The following GLG1 variants were observed in gnomAD, a reference collection of about 807,000 sequenced individuals.
The protein encoded by GLG1 is golgi glycoprotein 1.
GLG1 carries 38 observed loss-of-function variants against 160.5 expected under a neutral mutation model. The observed-to-expected ratio is 0.24, with a 90% confidence interval of 0.18 to 0.31. The LOEUF (loss-of-function observed/expected upper bound fraction) is 0.31, where lower values mean the gene tolerates loss of function less well. Ranked by LOEUF, GLG1 falls within the 10% of genes least tolerant of loss-of-function variation. The pLI, the probability that GLG1 is intolerant of heterozygous loss-of-function variation, is 1.00. For synonymous variants in GLG1, 644 were observed against 543.4 expected (o/e 1.19, Z -2.57); for missense variants, 1,373 against 1,505.2 (o/e 0.91, Z 1.45).
At chr16:74,533,821 G>T (rs3096409) in intron 1 of GLG1, among the ~76,000 whole-genome samples, 101,431 of 151,948 alleles carry the variant, frequency 0.67, 34,065 homozygotes, top group East Asian at 0.81. Context: ...CATAGTATTC[G>T]AATCTGTTTA....
chr16:74,458,157 C>G, intron 23 of GLG1, 163 bp from the exon 24 acceptor site: 1 of 579,886 alleles, frequency 1.7e-6, no homozygotes, highest in Non-Finnish European at 3.1e-6. Flanking sequence ...GTACAGAATG[C>G]AGAATTTAAT....
intron 4 of GLG1, 68 bp from the exon 5 acceptor site, chr16:74,496,712 C>CTACACA: frequency 1.5e-6 from 1 of 678,702 alleles, no homozygotes; most frequent in East Asian, 2.7e-5. Flanking sequence ...CAACATTTGG[C>CTACACA]TACACACACA....
chr16:74,575,939 G>A (rs868340236), intron 1 of GLG1, among the ~76,000 whole-genome samples: 36 of 152,080 alleles, frequency 2.4e-4, no homozygotes, highest in Middle Eastern at 6.8e-3. Context: ...GGTGGTTCAC[G>A]CCAGTAATCC....
At chr16:74,472,278 G>T in intron 14 of GLG1, 71 bp downstream of exon 14, 1 of 988,800 alleles carries the variant, frequency 1.0e-6, no homozygotes, top group Non-Finnish European at 1.6e-6. Flanking sequence ...AGGTGAGTCT[G>T]AGATACTCAG....
chr16:74,535,173 G>T (rs1051289205), intron 1 of GLG1, among the ~76,000 whole-genome samples: 28 of 152,126 alleles, frequency 1.8e-4, no homozygotes, highest in African/African-American at 5.8e-4. Context: ...GAGGGTGTCT[G>T]TTATGAAGAA....
At chr16:74,606,469 AAAG>A (rs1489088568) in intron 1 of GLG1, among the ~76,000 whole-genome samples, 185 bp downstream of exon 1, 2 of 152,062 alleles carry the variant, frequency 1.3e-5, no homozygotes, top group Non-Finnish European at 2.9e-5. Flanking sequence ...AGGGCGGGGG[AAAG>A]AAGGAGTGGG....
At chr16:74,490,766 T>C (rs921695478) in intron 8 of GLG1, among the ~76,000 whole-genome samples, 1 of 152,204 alleles carries the variant, frequency 6.6e-6, no homozygotes, top group Non-Finnish European at 1.5e-5. Flanking sequence ...ATTCTATCTA[T>C]CTAAGAAGAC....
chr16:74,480,104 T>C (rs1353699675), intron 11 of GLG1, 137 bp downstream of exon 11: 3 of 693,588 alleles, frequency 4.3e-6, no homozygotes, highest in Non-Finnish European at 5.0e-6. Context: ...AAGAAGTTTC[T>C]AGAAGTGCAG....
At chr16:74,548,977 C>G (rs528268216) in intron 1 of GLG1, among the ~76,000 whole-genome samples, 44 of 152,198 alleles carry the variant, frequency 2.9e-4, no homozygotes, top group African/African-American at 1.0e-3. Context: ...GCCAGGGTGA[C>G]AGAGACTCCA....
chr16:74,469,012 C>G lies in GLG1; in HGVS notation c.2370G>C (p.Gln790His). 1 of 1,614,176 alleles carries G rather than the reference C, an allele frequency of 6.2e-7. No homozygotes were observed. Among genetic ancestry groups the G allele is most frequent in the Non-Finnish European group, 8.5e-7 (1 of 1,179,970 alleles). ...LSTTVRNDTL[Q>H]EAKEHRVSLK... ...GGGACACCCTGTGCTCCTTGGCTTC[C>G]TGCAGAGTGTCATTGCGCACGGTCG... The change falls in exon 17 of 26, where the codon CAG (glutamine) becomes CAC (histidine). Residue 790 changes from glutamine (Q) to histidine (H), a missense_variant. Coordinates refer to ENST00000422840, the MANE Select transcript of GLG1 (RefSeq NM_001145667.2).
chr16:74,577,522 CA>C (rs71376222), intron 1 of GLG1, among the ~76,000 whole-genome samples: 77 of 120,202 alleles, frequency 6.4e-4, no homozygotes, highest in Middle Eastern at 4.7e-3. Context: ...AACTCCATCT[CA>C]AAAAAAAAAA....
intron 1 of GLG1, 46 bp from the exon 2 acceptor site, chr16:74,532,199 T>A (rs778059162): frequency 0.013 from 7,746 of 599,354 alleles, 67 homozygotes; most frequent in Admixed American, 0.054. Flanking sequence ...AAAAAATATA[T>A]ATATATATAT....
At chr16:74,509,830 C>T (rs1261495062) in intron 2 of GLG1, among the ~76,000 whole-genome samples, 1 of 145,698 alleles carries the variant, frequency 6.9e-6, no homozygotes, top group Non-Finnish European at 1.5e-5. Flanking sequence ...GGATGGGCAA[C>T]AGAGCAAGAC....
At chr16:74,533,668 C>A (rs1350527343) in intron 1 of GLG1, among the ~76,000 whole-genome samples, 1 of 152,136 alleles carries the variant, frequency 6.6e-6, no homozygotes, top group Admixed American at 6.5e-5. Flanking sequence ...ATAGTCCCAC[C>A]TACTCAGGAG....
chr16:74,587,383 G>A (rs1177748501), intron 1 of GLG1, among the ~76,000 whole-genome samples: 1 of 152,138 alleles, frequency 6.6e-6, no homozygotes, highest in Non-Finnish European at 1.5e-5. Flanking sequence ...TTTGAATAGT[G>A]GAACCAAGAA....
chr16:74,525,778 G>GT (rs2017314431), intron 2 of GLG1, among the ~76,000 whole-genome samples: 1 of 149,666 alleles, frequency 6.7e-6, no homozygotes, highest in Non-Finnish European at 1.5e-5. Context: ...TATATGATTT[G>GT]TAAGTATTTT....
At chr16:74,512,697 A>G (rs933467139) in intron 2 of GLG1, among the ~76,000 whole-genome samples, 2 of 152,156 alleles carry the variant, frequency 1.3e-5, no homozygotes, top group East Asian at 1.9e-4. Flanking sequence ...AAAAAAAAAG[A>G]CCATTGTCTC....
At chr16:74,464,843 A>AT (rs398029916) in intron 19 of GLG1, among the ~76,000 whole-genome samples, 12 of 151,172 alleles carry the variant, frequency 7.9e-5, no homozygotes, top group Admixed American at 2.0e-4. Flanking sequence ...TTTAAAAAAA[A>AT]TTTTTTTTTT....
At chr16:74,554,197 C>A (rs2018286598) in intron 1 of GLG1, among the ~76,000 whole-genome samples, 1 of 152,096 alleles carries the variant, frequency 6.6e-6, no homozygotes, top group Admixed American at 6.5e-5. Flanking sequence ...TTTATTTAAA[C>A]CCTACTTTGT....
Sources: gnomAD v4.1 joint callset for allele counts (sites outside exome capture counted in the v4.1 genomes callset) on GRCh38, gnomAD v4.1.1 for gene constraint, MANE v1.5 for transcripts, NCBI Gene and HGNC (gene_info 2026-07-23, HGNC 2026-07-21) for gene names.